SPECC1L: variants seen among roughly 807,000 people sequenced by gnomAD.
SPECC1L encodes sperm antigen with calponin homology and coiled-coil domains 1 like.
SPECC1L carries 40 observed loss-of-function variants against 116.8 expected under a neutral mutation model. The ratio of observed to expected loss-of-function variants is 0.34; its 90% CI spans 0.27 to 0.45. SPECC1L has a LOEUF of 0.45. SPECC1L is among the 20% of genes least tolerant of loss of function. The pLI is 1.00. For missense variants in SPECC1L, 1,110 were observed against 1,373.6 expected (o/e 0.81, Z 3.03); for synonymous variants, 504 against 500.6 (o/e 1.01, Z -0.09).
chr22:24,276,059 G>A (rs2048830641), intron 1 of SPECC1L, among the ~76,000 whole-genome samples: 1 of 151,954 alleles, frequency 6.6e-6, no homozygotes, highest in Non-Finnish European at 1.5e-5. Context: ...AGAAAGTAAA[G>A]GTCTTGGTCA....
In SPECC1L at chr22:24,415,675, T is replaced by G. The variant is rs927275797; in HGVS notation, c.*1052T>G. 2 of 152,488 alleles carry G rather than the reference T, an allele frequency of 1.3e-5. No individual in the cohort carries two copies. Among genetic ancestry groups the G allele is most frequent in the African/African-American group, 4.8e-5 (2 of 41,442 alleles). 9.4% of individuals were successfully genotyped at this position (152,488 alleles called of 1,614,324 possible). A position where few individuals can be genotyped will look rare whatever the true frequency, so the allele number is the denominator to read the frequency against. On this transcript the variant is annotated 3_prime_UTR_variant, in exon 17 of 17. Transcript: ENST00000314328. ...GTTAAAGAAAGTGCCTTAACTCTTC[T>G]TGTGAGGGCAGCCACTGCCCTCCGT...
intron 2 of SPECC1L, among the ~76,000 whole-genome samples, chr22:24,285,202 A>G (rs539131819): frequency 4.6e-5 from 7 of 152,314 alleles, no homozygotes; most frequent in Non-Finnish European, 7.4e-5. Flanking sequence ...CTATATGTCT[A>G]CTAGTACTGT....
chr22:24,370,275 G>A (rs1049073470), intron 14 of SPECC1L, among the ~76,000 whole-genome samples: 3 of 152,162 alleles, frequency 2.0e-5, no homozygotes, highest in Admixed American at 2.0e-4. Context: ...TATTGCAGTG[G>A]ACATACAGAA....
At chr22:24,289,224 G>T (rs553112292) in intron 2 of SPECC1L, among the ~76,000 whole-genome samples, 1 of 152,158 alleles carries the variant, frequency 6.6e-6, no homozygotes, top group Non-Finnish European at 1.5e-5. Context: ...CAGAGGAGAC[G>T]CAAAATTTTT....
chr22:24,276,343 G>GA (rs1318365091), intron 1 of SPECC1L, among the ~76,000 whole-genome samples: 2 of 152,128 alleles, frequency 1.3e-5, no homozygotes, highest in African/African-American at 2.4e-5. Context: ...GAGGCAGGGG[G>GA]ATCTCCTGAG....
intron 14 of SPECC1L, among the ~76,000 whole-genome samples, chr22:24,386,322 T>C (rs904725318): frequency 6.6e-6 from 1 of 152,112 alleles, no homozygotes; most frequent in Non-Finnish European, 1.5e-5. Context: ...TAAAGCTCTA[T>C]TGGGAGGCTG....
chr22:24,287,204 AGT>A (rs2049059369), intron 2 of SPECC1L, among the ~76,000 whole-genome samples: 9 of 152,108 alleles, frequency 5.9e-5, no homozygotes, highest in Admixed American at 5.9e-4. Flanking sequence ...GGTATGTGAG[AGT>A]GTGTGACTAT....
At chr22:24,305,721 C>CCT (rs1366854937) in intron 3 of SPECC1L, among the ~76,000 whole-genome samples, 1 of 151,994 alleles carries the variant, frequency 6.6e-6, no homozygotes, top group African/African-American at 2.4e-5. Flanking sequence ...GTAGAGTATA[C>CCT]CTATGTTCAG....
intron 3 of SPECC1L, among the ~76,000 whole-genome samples, chr22:24,303,930 T>C (rs2049437657): frequency 6.6e-6 from 1 of 151,490 alleles, no homozygotes; most frequent in Admixed American, 6.6e-5. Flanking sequence ...GGCAACACTT[T>C]TCCTGGAGTG....
At chr22:24,320,054 A>G (rs371769691) in intron 4 of SPECC1L, among the ~76,000 whole-genome samples, 1 of 152,194 alleles carries the variant, frequency 6.6e-6, no homozygotes, top group South Asian at 2.1e-4. Context: ...CGGGCAGATC[A>G]TTTGAGGTCA....
rs1011323580 is a variant in SPECC1L at position 24,400,692 on chromosome 22, C to T, written c.3088-10896C>T. ...ATTTGCCGTTCCCACCAGCAGTGTC[C>T]AAGGATTCCAGTATCTGCATCCTCA... On this transcript the variant is annotated intron_variant, in intron 14 of 16. Transcript: ENST00000314328. Among the ~76,000 whole-genome samples the T allele has an allele frequency of 3.9e-5, 6 of 152,196 alleles. No individual in the cohort carries two copies. The East Asian group carries it at 7.7e-4, about 20-fold the overall frequency.
At chr22:24,348,783 C>T (rs566541164) in intron 11 of SPECC1L, among the ~76,000 whole-genome samples, 1 of 152,316 alleles carries the variant, frequency 6.6e-6, no homozygotes, top group South Asian at 2.1e-4. Context: ...GTCTCCTCAT[C>T]TGTAAATTGA....
chr22:24,364,661 C>CAA (rs57580257), intron 12 of SPECC1L, among the ~76,000 whole-genome samples: 19 of 105,426 alleles, frequency 1.8e-4, no homozygotes, highest in African/African-American at 3.0e-4. Context: ...GACTCCCTCT[C>CAA]AAAAAAAAAA....
At chr22:24,314,282 C>T (rs1334563723) in intron 4 of SPECC1L, among the ~76,000 whole-genome samples, 2 of 152,138 alleles carry the variant, frequency 1.3e-5, no homozygotes, top group Admixed American at 1.3e-4. Flanking sequence ...ATCTCCTGAC[C>T]TCGTGATCTG....
At chr22:24,351,769 T>C (rs2041429648) in intron 11 of SPECC1L, among the ~76,000 whole-genome samples, 1 of 152,244 alleles carries the variant, frequency 6.6e-6, no homozygotes, top group African/African-American at 2.4e-5. Flanking sequence ...CTGAGCTCTG[T>C]CTTGAACTGC....
chr22:24,414,950 T>C lies in SPECC1L; in HGVS notation c.*327T>C. ...CAGGGCACCAAACAAAAAGGGCTCATGCACAGCTGAATTTGGGAAAAGGGA... is the reference window on the plus strand; with the variant it reads ...CAGGGCACCAAACAAAAAGGGCTCACGCACAGCTGAATTTGGGAAAAGGGA... On this transcript the variant is annotated 3_prime_UTR_variant, in exon 17 of 17. Transcript: ENST00000314328. The C allele has an allele frequency of 2.8e-6, 1 of 359,380 alleles. No homozygotes were observed. Among genetic ancestry groups the C allele is most frequent in the South Asian group, 2.7e-5 (1 of 37,312 alleles). The allele number at this position is 359,380 out of a possible 1,614,324, so 22.3% of individuals were successfully genotyped here.
At chr22:24,299,846 C>T (rs1464730644) in intron 2 of SPECC1L, among the ~76,000 whole-genome samples, 2 of 152,058 alleles carry the variant, frequency 1.3e-5, no homozygotes, top group East Asian at 3.8e-4. Flanking sequence ...CTTTGCATGT[C>T]TACAAAAAGA....
intron 14 of SPECC1L, among the ~76,000 whole-genome samples, chr22:24,378,856 G>A (rs1281970041): frequency 2.0e-5 from 3 of 152,050 alleles, no homozygotes; most frequent in Non-Finnish European, 1.5e-5. Flanking sequence ...ATAATAATGA[G>A]AAAGTTTAAA....
chr22:24,291,414 C>T (rs550309871), intron 2 of SPECC1L, among the ~76,000 whole-genome samples: 3 of 152,218 alleles, frequency 2.0e-5, no homozygotes, highest in Non-Finnish European at 2.9e-5. Context: ...GTACTCCATA[C>T]TATGTATTTT....
Sources: gnomAD v4.1 joint callset for allele counts (sites outside exome capture counted in the v4.1 genomes callset) on GRCh38, gnomAD v4.1.1 for gene constraint, MANE v1.5 for transcripts, NCBI Gene and HGNC (gene_info 2026-07-23, HGNC 2026-07-21) for gene names.